Variants in IFFO2 observed in about 807,000 individuals in gnomAD.
IFFO2 encodes the protein intermediate filament family orphan 2.
IFFO2 carries 19 observed loss-of-function variants against 53.5 expected under a neutral mutation model. The observed-to-expected ratio is 0.36, with a 90% CI of 0.25 to 0.52. The LOEUF (loss-of-function observed/expected upper bound fraction) is 0.52. IFFO2 is among the 20% of genes least tolerant of loss of function. The probability of loss-of-function intolerance (pLI) is 0.94; values close to 1 mark genes in which losing one functional copy is unlikely to be tolerated. For missense variants in IFFO2, 570 were observed against 727.4 expected, an observed-to-expected ratio of 0.78 and a Z score of 2.49; for synonymous variants, 303 against 313.6, an observed-to-expected ratio of 0.97 and a Z score of 0.36.
Position 18,936,602 on chromosome 1 carries a change from A to T in IFFO2, c.666-15481T>A, listed in dbSNP as rs1355755618. ...CTCCCAAGGCTATTTTGGAAACCTA[A>T]TATGTACTTTGGGTCTCTCCACTGT... On this transcript the variant is annotated intron_variant, in intron 1 of 8. Coordinates refer to ENST00000455833, the MANE Select transcript of IFFO2 (RefSeq NM_001136265.2). The surrounding 1 kb of genome is among the most constrained non-coding windows in gnomAD (Gnocchi z 4.5). Among the ~76,000 whole-genome samples the T allele has an allele frequency of 6.6e-6, 1 of 152,236 alleles. No individual in the cohort carries two copies. The highest frequency in any genetic ancestry group is 1.5e-5 in the Non-Finnish European group (1 of 68,038).
At chr1:18,913,340 C>A (rs539141570) in intron 5 of IFFO2, among the ~76,000 whole-genome samples, 1 of 152,364 alleles carries the variant, frequency 6.6e-6, no homozygotes, top group Non-Finnish European at 1.5e-5. Flanking sequence ...GGCCCGGAGC[C>A]GCCAGGGTCC....
intron 5 of IFFO2, among the ~76,000 whole-genome samples, chr1:18,912,845 C>T (rs911535670): frequency 6.6e-6 from 1 of 152,190 alleles, no homozygotes; most frequent in Non-Finnish European, 1.5e-5. Context: ...GATGTCAAGA[C>T]CTCCCTATTG....
intron 1 of IFFO2, among the ~76,000 whole-genome samples, chr1:18,922,984 T>TG (rs914349482): frequency 1.3e-5 from 2 of 151,782 alleles, no homozygotes; most frequent in Non-Finnish European, 2.9e-5. Context: ...GGGGCTTCTC[T>TG]GGGGGGTAAA....
rs1569825331 is a variant in IFFO2 at position 18,908,263 on chromosome 1, G to A, written c.*298C>T. Reference sequence around the variant, plus strand: ...TGGAGCTCAAAGTGGCTCAGCTTAAGGGAGAAGGCACAGTTAACACTGCAA... The same window carrying A: ...TGGAGCTCAAAGTGGCTCAGCTTAAAGGAGAAGGCACAGTTAACACTGCAA... On this transcript the variant is annotated 3_prime_UTR_variant, in exon 9 of 9. Coordinates refer to ENST00000455833, the MANE Select transcript of IFFO2 (RefSeq NM_001136265.2). 1.0e-5 allele frequency: 4 copies of A among 383,558 alleles called. No homozygotes were observed. Among genetic ancestry groups the A allele is most frequent in the South Asian group, 5.0e-5 (2 of 40,168 alleles). The allele number at this position is 383,558 out of a possible 1,614,324, so 23.8% of individuals were successfully genotyped here. A position where few individuals can be genotyped will look rare whatever the true frequency, so the allele number is the denominator to read the frequency against.
At position 18,919,431 on chromosome 1, in the gene IFFO2, G is replaced by A. The variant is rs1936183282; in HGVS notation, c.822+247C>T. Reference sequence around the variant, plus strand: ...AGACCATCAGGGGAGCCCGGGGGAGGGCGGGATAGGTTAAGCGGCAGATTA... The same window carrying A: ...AGACCATCAGGGGAGCCCGGGGGAGAGCGGGATAGGTTAAGCGGCAGATTA... On this transcript the variant is annotated intron_variant, in intron 3 of 8. Transcript: ENST00000455833. This position sits in a 1 kb window ranked among gnomAD's most constrained non-coding sequence, Gnocchi z 4.9. Among the ~76,000 whole-genome samples the A allele has an allele frequency of 6.6e-6, 1 of 152,000 alleles. No homozygotes were observed. Among genetic ancestry groups the A allele is most frequent in the African/African-American group, 2.4e-5 (1 of 41,360 alleles).
intron 1 of IFFO2, among the ~76,000 whole-genome samples, chr1:18,935,461 T>C (rs530985505): frequency 6.6e-6 from 1 of 152,036 alleles, no homozygotes; most frequent in African/African-American, 2.4e-5. Context: ...GGCTGCATTC[T>C]CTGCCCAACA....
chr1:18,941,829 C>T (rs1386669189), intron 1 of IFFO2, among the ~76,000 whole-genome samples: 1 of 152,208 alleles, frequency 6.6e-6, no homozygotes, highest in Non-Finnish European at 1.5e-5. Flanking sequence ...AGTCCATGAT[C>T]CCCAGGGAGG....
In IFFO2 at chr1:18,908,657, C is replaced by T. The variant is rs1487410050; in HGVS notation, c.1458G>A (p.Pro486=). The T allele has an allele frequency of 2.8e-5, 43 of 1,550,808 alleles. No individual in the cohort carries two copies. The highest frequency in any genetic ancestry group is 1.8e-4 in the Admixed American group (9 of 50,964). The change falls in exon 9 of 9, where the codon CCG becomes CCA. Residue 486 remains proline, a synonymous_variant. Coordinates refer to ENST00000455833, the MANE Select transcript of IFFO2 (RefSeq NM_001136265.2). The part of the protein sequence containing the change: ...LIKGSADRNS[P]SPSSVASSDS... ...CGCTGCTGGCCACGGAGCTGGGGGA[C>T]GGTGAATTCCTGAGAAGCACAAGAG...
At chr1:18,951,150 C>A (rs901201721) in intron 1 of IFFO2, among the ~76,000 whole-genome samples, 1 of 152,140 alleles carries the variant, frequency 6.6e-6, no homozygotes. Context: ...CAGCAGAACC[C>A]TTTTTAAAAT....
intron 1 of IFFO2, among the ~76,000 whole-genome samples, chr1:18,943,017 A>G (rs926220446): frequency 2.0e-5 from 3 of 151,700 alleles, no homozygotes; most frequent in Non-Finnish European, 4.4e-5. Context: ...TTAAGTCCTG[A>G]TGTTTTAAAT....
chr1:18,905,579 G>A lies in IFFO2; in HGVS notation c.*2982C>T, dbSNP rs1029520725. 3 of 151,998 alleles carry A rather than the reference G, an allele frequency of 2.0e-5. No individual in the cohort carries two copies. Among genetic ancestry groups the A allele is most frequent in the South Asian group, 2.1e-4 (1 of 4,818 alleles). The allele number at this position is 151,998 out of a possible 1,614,324, so 9.4% of individuals were successfully genotyped here. A position where few individuals can be genotyped will look rare whatever the true frequency, so the allele number is the denominator to read the frequency against. On this transcript the variant is annotated 3_prime_UTR_variant, in exon 9 of 9. Transcript: ENST00000455833. ...AGCTCTACCCACAGAGTTAGTCCAC[G>A]ATGGATTTGGCCCTTCAGGGACCTC...
chr1:18,941,431 G>A (rs759511780), intron 1 of IFFO2, among the ~76,000 whole-genome samples: 6 of 152,198 alleles, frequency 3.9e-5, no homozygotes, highest in Non-Finnish European at 7.3e-5. Flanking sequence ...CAGCTGCCCT[G>A]ACGTCAACTC....
Position 18,919,831 on chromosome 1 carries a change from G to C in IFFO2, c.727-58C>G. ...GGCCGGGTCCTCTGGGGATAGGAGG[G>C]TCTGGACACCTGAGTCCAGAGCCCT... On this transcript the variant is annotated intron_variant, in intron 2 of 8. Transcript: ENST00000455833. This position sits in a 1 kb window ranked among gnomAD's most constrained non-coding sequence, Gnocchi z 4.9. The C allele has an allele frequency of 8.0e-7, 1 of 1,249,278 alleles. No homozygotes were observed. The highest frequency in any genetic ancestry group is 1.1e-6 in the Non-Finnish European group (1 of 876,484). 77.4% of individuals were successfully genotyped at this position (1,249,278 alleles called of 1,614,324 possible).
rs1405438914 is a variant in IFFO2, at chr1:18,918,290, G to A, written c.963+72C>T. 1.5e-5 allele frequency: 22 copies of A among 1,475,814 alleles called. No individual in the cohort carries two copies. The highest frequency in any genetic ancestry group is 5.0e-5 in the South Asian group (4 of 80,224). The allele number at this position is 1,475,814 out of a possible 1,614,324, so 91.4% of individuals were successfully genotyped here. ...GGATGTGGAGGCAAACGGGTTGGCC[G>A]GGCAGGGGTGGAGGCCAGGGCTGCT... On this transcript the variant is annotated intron_variant, in intron 4 of 8. Transcript: ENST00000455833. The surrounding 1 kb of genome is among the most constrained non-coding windows in gnomAD (Gnocchi z 5.2).
chr1:18,924,715 C>T (rs887600142), intron 1 of IFFO2, among the ~76,000 whole-genome samples: 3 of 152,216 alleles, frequency 2.0e-5, no homozygotes, highest in Admixed American at 2.0e-4. Flanking sequence ...AAAGAGATCA[C>T]TTTTGGGGCA....
In IFFO2 at chr1:18,936,791, A is replaced by G. The variant is rs1936454437; in HGVS notation, c.666-15670T>C. 6.6e-6 allele frequency among the ~76,000 whole-genome samples: 1 copy of G among 152,208 alleles called. No homozygotes were observed. The highest frequency in any genetic ancestry group is 6.5e-5 in the Admixed American group (1 of 15,284). On this transcript the variant is annotated intron_variant, in intron 1 of 8. Transcript: ENST00000455833. The surrounding 1 kb of genome is among the most constrained non-coding windows in gnomAD (Gnocchi z 4.5). ...AAATGAGGGGCTGGCAGCCAGGCAGAGCCCACCAGGCAAGAGTCAGCACAC... is the reference window on the plus strand; with the variant it reads ...AAATGAGGGGCTGGCAGCCAGGCAGGGCCCACCAGGCAAGAGTCAGCACAC...
At chr1:18,941,522 G>A (rs763747816) in intron 1 of IFFO2, among the ~76,000 whole-genome samples, 1 of 152,320 alleles carries the variant, frequency 6.6e-6, no homozygotes, top group African/African-American at 2.4e-5. Context: ...ACAAGGCCTC[G>A]CAAGGCAGTC....
At position 18,918,779 on chromosome 1, in the gene IFFO2, C is replaced by T. The variant is rs1351067055; in HGVS notation, c.823-277G>A. On this transcript the variant is annotated intron_variant, in intron 3 of 8. Coordinates refer to ENST00000455833, the MANE Select transcript of IFFO2 (RefSeq NM_001136265.2). The surrounding 1 kb of genome is among the most constrained non-coding windows in gnomAD (Gnocchi z 5.2). ...GCATCCTCCCAGCAGACACAGGGTC[C>T]GTGTTCACTTTGTTAGAGCGAAGAA... Among the ~76,000 whole-genome samples, 2 of 152,026 alleles carry T rather than the reference C, an allele frequency of 1.3e-5. No individual in the cohort carries two copies. Among genetic ancestry groups the T allele is most frequent in the South Asian group, 2.1e-4 (1 of 4,826 alleles).
chr1:18,920,953 G>T, intron 2 of IFFO2, 108 bp downstream of exon 2: 1 of 896,962 alleles, frequency 1.1e-6, no homozygotes, highest in Non-Finnish European at 1.8e-6. Context: ...AGGTAACAGA[G>T]TAGGGGCTGT....
Sources: gnomAD v4.1 joint callset for allele counts (sites outside exome capture counted in the v4.1 genomes callset) on GRCh38, gnomAD v4.1.1 for gene constraint, Gnocchi (gnomAD v3.1) non-coding constraint, MANE v1.5 for transcripts, NCBI Gene and HGNC (gene_info 2026-07-23, HGNC 2026-07-21) for gene names.